TTC28: variants seen among roughly 807,000 people sequenced by gnomAD.
TTC28 encodes the protein tetratricopeptide repeat protein 28.
TTC28 carries 61 observed loss-of-function variants against 198.0 expected under a neutral mutation model. The observed-to-expected ratio is 0.31, with a 90% confidence interval of 0.25 to 0.38. The LOEUF (loss-of-function observed/expected upper bound fraction) is 0.38. Ranked by LOEUF, TTC28 falls within the 10% of genes least tolerant of loss-of-function variation. The pLI, the probability that TTC28 is intolerant of heterozygous loss-of-function variation, is 1.00. For missense variants in TTC28, 2,678 were observed against 3,164.0 expected (o/e 0.85, Z 3.69); for synonymous variants, 1,171 against 1,297.8 (o/e 0.90, Z 2.10).
intron 6 of TTC28, among the ~76,000 whole-genome samples, chr22:28,111,294 G>C (rs894093252): frequency 6.6e-6 from 1 of 152,092 alleles, no homozygotes; most frequent in African/African-American, 2.4e-5. Context: ...GATGTCACCA[G>C]GATCCTTGCT....
At chr22:28,407,004 G>A (rs2047007202) in intron 2 of TTC28, among the ~76,000 whole-genome samples, 2 of 152,194 alleles carry the variant, frequency 1.3e-5, no homozygotes, top group African/African-American at 4.8e-5. Context: ...TGGCCTGCCT[G>A]AAGCAAGATC....
At chr22:28,313,632 G>A (rs961776759) in intron 2 of TTC28, among the ~76,000 whole-genome samples, 1 of 151,994 alleles carries the variant, frequency 6.6e-6, no homozygotes, top group African/African-American at 2.4e-5. Flanking sequence ...TCTCAATAGA[G>A]GCACGAAAGG....
intron 6 of TTC28, among the ~76,000 whole-genome samples, chr22:28,112,227 C>T (rs1326660665): frequency 1.3e-5 from 2 of 152,000 alleles, no homozygotes; most frequent in Non-Finnish European, 1.5e-5. Context: ...GGTATCTAAA[C>T]CTAGTAGGAC....
At chr22:28,131,700 T>C (rs1186498764) in intron 6 of TTC28, among the ~76,000 whole-genome samples, 2 of 152,234 alleles carry the variant, frequency 1.3e-5, no homozygotes, top group East Asian at 1.9e-4. Context: ...GGGTATATTA[T>C]TTGCCCTGTC....
intron 12 of TTC28, among the ~76,000 whole-genome samples, chr22:28,071,748 G>GAAAAAAAAAAAAAAAA (rs371615737): frequency 1.1e-5 from 1 of 91,134 alleles, no homozygotes; most frequent in African/African-American, 3.9e-5. Context: ...AAAAAAAAAG[G>GAAAAAAAAAAAAAAAA]AAAAAAAAAA....
In TTC28 at chr22:28,257,749, T is replaced by C. The variant is rs937221967; in HGVS notation, c.933+38449A>G. Among the ~76,000 whole-genome samples, 5 of 37,722 alleles carry C rather than the reference T, an allele frequency of 1.3e-4. 1 individual carries two copies. The highest frequency in any genetic ancestry group is 3.6e-4 in the African/African-American group (5 of 13,736). 24.7% of individuals were successfully genotyped at this position (37,722 alleles called of 152,430 possible). On this transcript the variant is annotated intron_variant, in intron 5 of 22. Transcript: ENST00000397906. ...TAGATGGTAATAGAACATATATATA[T>C]ATATATATATATATATATATATATA...
chr22:28,341,996 A>C (rs911237637), intron 2 of TTC28, among the ~76,000 whole-genome samples: 24 of 152,138 alleles, frequency 1.6e-4, no homozygotes, highest in African/African-American at 5.8e-4. Context: ...AACAGAAAAA[A>C]ATTTAAAAAA....
Position 28,538,312 on chromosome 22 carries a change from T to TC in TTC28, c.381+91239dup, listed in dbSNP as rs577250373. ...TATGTTGCCCAGGCTGGTCTCGAAC[T>TC]CCTTGACTCAAGTGGTCCTACCATC... On this transcript the variant is annotated intron_variant, in intron 2 of 22. Coordinates refer to ENST00000397906, the MANE Select transcript of TTC28 (RefSeq NM_001145418.2). 3.2e-3 allele frequency among the ~76,000 whole-genome samples: 480 copies of TC among 152,226 alleles called. 3 individuals are homozygous for TC. The highest frequency in any genetic ancestry group is 5.0e-3 in the Non-Finnish European group (338 of 68,012).
chr22:27,983,606 G>A lies in TTC28; in HGVS notation c.6061C>T (p.Gln2021Ter), dbSNP rs1601476959. 6.5e-7 allele frequency: 1 copy of A among 1,546,816 alleles called. No individual in the cohort carries two copies. The highest frequency in any genetic ancestry group is 1.4e-5 in the African/African-American group (1 of 72,772). Residue 2021 changes from glutamine (Q) to a stop codon, truncating the protein, a stop_gained, in exon 23 of 23, where the codon CAG (glutamine) becomes TAG (stop). Coordinates refer to ENST00000397906, the MANE Select transcript of TTC28 (RefSeq NM_001145418.2). LOFTEE classifies it low-confidence loss of function (END_TRUNC). ...GCGTTCTTGGACCGGTCATGGTCCT[G>A]CCGTCCTCCGGGGCCTCCACCCTCT... Reference protein sequence around the residue: ...GSEGGGPGGRQDHDRSKNAYL... With the variant: ...GSEGGGPGGR
chr22:28,119,994 G>C (rs1942741929), intron 6 of TTC28, among the ~76,000 whole-genome samples: 1 of 152,086 alleles, frequency 6.6e-6, no homozygotes, highest in African/African-American at 2.4e-5. Context: ...GCATTAAGAA[G>C]ACAGATTAAA....
intron 2 of TTC28, among the ~76,000 whole-genome samples, chr22:28,615,664 A>G (rs2050892730): frequency 6.6e-6 from 1 of 152,104 alleles, no homozygotes. Context: ...ATGAAGCTGG[A>G]AACCATCATT....
intron 8 of TTC28, among the ~76,000 whole-genome samples, chr22:28,101,782 T>TAAAAAAAA: frequency 1.9e-5 from 1 of 53,172 alleles, no homozygotes; most frequent in Non-Finnish European, 3.1e-5. Flanking sequence ...CCATCTCTGT[T>TAAAAAAAA]AAAAAAAAAA....
At chr22:28,476,771 TTAAG>T (rs1325335274) in intron 2 of TTC28, among the ~76,000 whole-genome samples, 1 of 152,180 alleles carries the variant, frequency 6.6e-6, no homozygotes, top group Admixed American at 6.5e-5. Flanking sequence ...AATTACACTC[TTAAG>T]TATTTGCTCA....
At chr22:28,396,364 A>T (rs1332203071) in intron 2 of TTC28, among the ~76,000 whole-genome samples, 1 of 152,216 alleles carries the variant, frequency 6.6e-6, no homozygotes, top group Non-Finnish European at 1.5e-5. Flanking sequence ...CAATCTGTCC[A>T]CTGGCTGTCT....
Position 27,983,270 on chromosome 22 carries a change from T to G in TTC28, c.6397A>C (p.Thr2133Pro). 1 of 1,552,052 alleles carries G rather than the reference T, an allele frequency of 6.4e-7. No homozygotes were observed. Among genetic ancestry groups the G allele is most frequent in the Middle Eastern group, 1.7e-4 (1 of 5,994 alleles). ...QKVGKLASSD[T>P]GESDQSSTET... ...GTGCTAGACTGGTCTGATTCTCCTG[T>G]ATCTGAGCTTGCTAGTTTTCCCACC... Residue 2133 changes from threonine (T) to proline (P), a missense_variant, in exon 23 of 23, where the codon ACA (threonine) becomes CCA (proline). By Grantham distance (38) the Thr-to-Pro change is conservative. This residue lies in a region of TTC28 where 622 missense variants were observed against 656.0 expected (regional missense o/e 0.95). Transcript: ENST00000397906.
intron 2 of TTC28, among the ~76,000 whole-genome samples, chr22:28,400,540 G>C (rs868330725): frequency 6.6e-6 from 1 of 152,200 alleles, no homozygotes; most frequent in African/African-American, 2.4e-5. Context: ...GGTAGTAGTA[G>C]CAGTGGCAAC....
chr22:28,082,288 T>C (rs1407780174), intron 12 of TTC28, among the ~76,000 whole-genome samples: 2 of 152,238 alleles, frequency 1.3e-5, no homozygotes, highest in East Asian at 1.9e-4. Context: ...CAGTACTATA[T>C]ATTGAAGATA....
intron 1 of TTC28, among the ~76,000 whole-genome samples, chr22:28,649,237 T>TA (rs1393574814): frequency 5.3e-5 from 8 of 152,190 alleles, no homozygotes; most frequent in Admixed American, 3.9e-4. Flanking sequence ...GGCTAAGGGA[T>TA]AAAAAACTAC....
At chr22:28,393,057 A>G (rs888344264) in intron 2 of TTC28, among the ~76,000 whole-genome samples, 4 of 151,492 alleles carry the variant, frequency 2.6e-5, no homozygotes, top group African/African-American at 9.7e-5. Context: ...TTTTATATTT[A>G]TTTTTTGTAG....
Sources: allele counts gnomAD v4.1 joint callset (sites outside exome capture counted in the v4.1 genomes callset), GRCh38; gene constraint gnomAD v4.1.1; regional missense constraint gnomAD v4.1.1; transcripts MANE v1.5; gene names NCBI Gene and HGNC (gene_info 2026-07-23, HGNC 2026-07-21).